AGPAT4: variants seen among roughly 807,000 people sequenced by gnomAD.
The protein encoded by AGPAT4 is 1-acylglycerol-3-phosphate O-acyltransferase 4, also known as 1-acyl-sn-glycerol-3-phosphate acyltransferase delta.
AGPAT4 carries 15 observed loss-of-function variants against 48.0 expected under a neutral mutation model. The observed-to-expected ratio is 0.31, with a 90% CI of 0.21 to 0.48. The LOEUF is 0.48. Among genes scored for constraint, AGPAT4 ranks in the 20% least tolerant of loss-of-function variants. The pLI is 0.99. For missense variants in AGPAT4, 314 were observed against 482.5 expected, an observed-to-expected ratio of 0.65 and a Z score of 3.27; for synonymous variants, 178 against 198.7, an observed-to-expected ratio of 0.90 and a Z score of 0.88.
At chr6:161,173,196 C>G (rs189201625) in intron 2 of AGPAT4, among the ~76,000 whole-genome samples, 66 of 152,296 alleles carry the variant, frequency 4.3e-4, no homozygotes, top group Admixed American at 2.9e-3. Context: ...ATTTCTAGTT[C>G]TAGATCCTTG....
In AGPAT4 at chr6:161,165,708, G is replaced by T. The variant is rs762420172; in HGVS notation, c.348+540C>A. ...AAGGCATGCAAGCTACGTGCAAGAGGTCAAACTAGTTGGGAAAAAAAAAAA... is the reference window on the plus strand; with the variant it reads ...AAGGCATGCAAGCTACGTGCAAGAGTTCAAACTAGTTGGGAAAAAAAAAAA... On this transcript the variant is annotated intron_variant, in intron 3 of 8. Transcript: ENST00000320285. The surrounding 1 kb of genome is among the most constrained non-coding windows in gnomAD (Gnocchi z 5.5). 5 of 1,014,796 alleles carry T rather than the reference G, an allele frequency of 4.9e-6. No individual in the cohort carries two copies. Among genetic ancestry groups the T allele is most frequent in the South Asian group, 1.3e-5 (1 of 75,174 alleles). 62.9% of individuals were successfully genotyped at this position (1,014,796 alleles called of 1,614,324 possible).
In AGPAT4 at chr6:161,149,338, A is replaced by G. The variant is rs1779524802; in HGVS notation, c.665-49T>C. ...AAGCAGTATATAGCGTGTGAACCCA[A>G]TTTTGTTCTGTAGATACACACATTG... is the stretch of plus-strand genomic sequence containing the variant. On this transcript the variant is annotated intron_variant, in intron 5 of 8. Transcript: ENST00000320285. The surrounding 1 kb of genome is among the most constrained non-coding windows in gnomAD (Gnocchi z 6.5). 6.5e-7 allele frequency: 1 copy of G among 1,534,084 alleles called. No individual in the cohort carries two copies.
At position 161,233,847 on chromosome 6, in the gene AGPAT4, A is replaced by T. The variant is rs1782195198; in HGVS notation, c.-89-1545T>A. 6.6e-6 allele frequency among the ~76,000 whole-genome samples: 1 copy of T among 152,216 alleles called. No individual in the cohort carries two copies. The highest frequency in any genetic ancestry group is 2.1e-4 in the South Asian group (1 of 4,836). ...TCATAAATTGAGGGGCATCTGTAAG[A>T]GTTTCACACATGTGATCTCATTTTA... On this transcript the variant is annotated intron_variant, in intron 1 of 8. Transcript: ENST00000320285. The surrounding 1 kb of genome is among the most constrained non-coding windows in gnomAD (Gnocchi z 5.4).
intron 1 of AGPAT4, among the ~76,000 whole-genome samples, chr6:161,256,301 C>A (rs1294946700): frequency 6.6e-6 from 1 of 152,156 alleles, no homozygotes; most frequent in Non-Finnish European, 1.5e-5. Flanking sequence ...GGAAATCAAC[C>A]CCAGGCACGC....
rs1422775926 is a variant in AGPAT4 at position 161,138,265 on chromosome 6, A to G, written c.1042+1157T>C. ...TAATATTTTAATTTTTAACACTAAAATACATCTTAATCTTTCAAAAGACTG... is the reference window on the plus strand; with the variant it reads ...TAATATTTTAATTTTTAACACTAAAGTACATCTTAATCTTTCAAAAGACTG... On this transcript the variant is annotated intron_variant, in intron 8 of 8. Coordinates refer to ENST00000320285, the MANE Select transcript of AGPAT4 (RefSeq NM_020133.3). This position sits in a 1 kb window ranked among gnomAD's most constrained non-coding sequence, Gnocchi z 4.8. Among the ~76,000 whole-genome samples, 4 of 152,190 alleles carry G rather than the reference A, an allele frequency of 2.6e-5. No homozygotes were observed. The highest frequency in any genetic ancestry group is 9.6e-5 in the African/African-American group (4 of 41,458).
intron 2 of AGPAT4, among the ~76,000 whole-genome samples, chr6:161,182,615 C>G (rs1780634522): frequency 6.6e-6 from 1 of 152,232 alleles, no homozygotes; most frequent in African/African-American, 2.4e-5. Context: ...ACCAGCTCAG[C>G]CTGGAGTGCT....
At chr6:161,237,258 A>G (rs1782311126) in intron 1 of AGPAT4, among the ~76,000 whole-genome samples, 2 of 152,246 alleles carry the variant, frequency 1.3e-5, no homozygotes, top group Admixed American at 6.5e-5. Context: ...ATTAGTAGAT[A>G]TTGAATTTAG....
At position 161,139,340 on chromosome 6, in the gene AGPAT4, A is replaced by G. The variant is rs576638840; in HGVS notation, c.1042+82T>C. The G allele has an allele frequency of 4.2e-4, 625 of 1,477,794 alleles. 1 individual carries two copies. The highest frequency in any genetic ancestry group is 5.5e-4 in the Non-Finnish European group (594 of 1,074,072). The allele number at this position is 1,477,794 out of a possible 1,614,324, so 91.5% of individuals were successfully genotyped here. A position where few individuals can be genotyped will look rare whatever the true frequency, so the allele number is the denominator to read the frequency against. ...TCATCCACGGCACAACTGCCTATACAGATGGCCTTCGTCCCAGCCCTGATG... is the reference window on the plus strand; with the variant it reads ...TCATCCACGGCACAACTGCCTATACGGATGGCCTTCGTCCCAGCCCTGATG... On this transcript the variant is annotated intron_variant, in intron 8 of 8. Transcript: ENST00000320285. The surrounding 1 kb of genome is among the most constrained non-coding windows in gnomAD (Gnocchi z 9.1).
At chr6:161,188,245 G>A (rs1340252553) in intron 2 of AGPAT4, among the ~76,000 whole-genome samples, 1 of 152,150 alleles carries the variant, frequency 6.6e-6, no homozygotes, top group African/African-American at 2.4e-5. Context: ...GACATTGATT[G>A]CTTCCATATC....
intron 2 of AGPAT4, among the ~76,000 whole-genome samples, chr6:161,181,966 C>T (rs1224840064): frequency 1.3e-5 from 2 of 152,156 alleles, no homozygotes; most frequent in African/African-American, 4.8e-5. Flanking sequence ...ATGATAGTCC[C>T]TCTGCAGTAT....
intron 2 of AGPAT4, among the ~76,000 whole-genome samples, chr6:161,230,590 T>C (rs565674652): frequency 6.6e-6 from 1 of 152,244 alleles, no homozygotes; most frequent in African/African-American, 2.4e-5. Flanking sequence ...CATCTCCTAC[T>C]GTCTCTGCCC....
Position 161,266,782 on chromosome 6 carries a change from A to G in AGPAT4, c.-90+7156T>C, listed in dbSNP as rs1377074619. 1.3e-5 allele frequency among the ~76,000 whole-genome samples: 2 copies of G among 152,188 alleles called. No homozygotes were observed. The highest frequency in any genetic ancestry group is 1.3e-4 in the Admixed American group (2 of 15,282). On this transcript the variant is annotated intron_variant, in intron 1 of 8. Transcript: ENST00000320285. This position sits in a 1 kb window ranked among gnomAD's most constrained non-coding sequence, Gnocchi z 6.2. ...ATGGCTGCAGTATCCTGGGAAGAAG[A>G]TGTGCTTGCATAGACAGATAGTTCT... is the stretch of plus-strand genomic sequence containing the variant.
chr6:161,185,454 C>T (rs1171289187), intron 2 of AGPAT4, among the ~76,000 whole-genome samples: 1 of 151,872 alleles, frequency 6.6e-6, no homozygotes, highest in Non-Finnish European at 1.5e-5. Context: ...CCACACCTGG[C>T]CAAGATGTCT....
chr6:161,259,243 G>A lies in AGPAT4; in HGVS notation c.-90+14695C>T, dbSNP rs1783033719. On this transcript the variant is annotated intron_variant, in intron 1 of 8. Coordinates refer to ENST00000320285, the MANE Select transcript of AGPAT4 (RefSeq NM_020133.3). This position sits in a 1 kb window ranked among gnomAD's most constrained non-coding sequence, Gnocchi z 4.9. ...CCCATACTTATTTTTCTTATGATGA[G>A]AAAGTTTAAAATCTATTCTTTTAGT... Among the ~76,000 whole-genome samples the A allele has an allele frequency of 6.6e-6, 1 of 152,064 alleles. No individual in the cohort carries two copies. Among genetic ancestry groups the A allele is most frequent in the African/African-American group, 2.4e-5 (1 of 41,394 alleles).
intron 2 of AGPAT4, among the ~76,000 whole-genome samples, chr6:161,172,034 GA>G (rs1280383123): frequency 6.6e-6 from 1 of 152,106 alleles, no homozygotes; most frequent in Non-Finnish European, 1.5e-5. Flanking sequence ...TAAACAACCA[GA>G]AAAAGCAACC....
chr6:161,247,436 T>G (rs1782684167), intron 1 of AGPAT4, among the ~76,000 whole-genome samples: 1 of 152,206 alleles, frequency 6.6e-6, no homozygotes, highest in African/African-American at 2.4e-5. Flanking sequence ...CATAAAGCTT[T>G]CCCCTCCCCT....
intron 2 of AGPAT4, among the ~76,000 whole-genome samples, chr6:161,188,415 T>C (rs1780829922): frequency 6.6e-6 from 1 of 152,204 alleles, no homozygotes; most frequent in Non-Finnish European, 1.5e-5. Context: ...TCTGAGATCC[T>C]CTCCTTACAT....
rs1782544426 is a variant in AGPAT4, at chr6:161,243,190, A to C, written c.-89-10888T>G. On this transcript the variant is annotated intron_variant, in intron 1 of 8. Coordinates refer to ENST00000320285, the MANE Select transcript of AGPAT4 (RefSeq NM_020133.3). The surrounding 1 kb of genome is among the most constrained non-coding windows in gnomAD (Gnocchi z 4.8). The stretch of plus-strand genomic sequence containing the variant: ...CTACGTGGCTGTGGCTGTCAGCTCA[A>C]TACTAAGCCTGTGAGGGCTGGAACG... Among the ~76,000 whole-genome samples the C allele has an allele frequency of 6.6e-6, 1 of 152,134 alleles. No homozygotes were observed. The highest frequency in any genetic ancestry group is 2.4e-5 in the African/African-American group (1 of 41,426).
rs981744044 is a variant in AGPAT4, at chr6:161,238,336, C to T, written c.-89-6034G>A. Among the ~76,000 whole-genome samples, 5 of 152,098 alleles carry T rather than the reference C, an allele frequency of 3.3e-5. No homozygotes were observed. Among genetic ancestry groups the T allele is most frequent in the African/African-American group, 1.2e-4 (5 of 41,396 alleles). ...CCAGGATGCCTGGAACGGGGAAAACCCCAAGTAATGGGGGATTTTTCTATC... is the reference window on the plus strand; with the variant it reads ...CCAGGATGCCTGGAACGGGGAAAACTCCAAGTAATGGGGGATTTTTCTATC... On this transcript the variant is annotated intron_variant, in intron 1 of 8. Transcript: ENST00000320285. The surrounding 1 kb of genome is among the most constrained non-coding windows in gnomAD (Gnocchi z 5.2).
Sources: gnomAD v4.1 joint callset for allele counts (sites outside exome capture counted in the v4.1 genomes callset) on GRCh38, gnomAD v4.1.1 for gene constraint, Gnocchi (gnomAD v3.1) non-coding constraint, MANE v1.5 for transcripts, NCBI Gene and HGNC (gene_info 2026-07-23, HGNC 2026-07-21) for gene names.